The following PREP variants were observed in gnomAD, a reference collection of about 807,000 sequenced individuals.
The protein encoded by PREP is dJ355L5.1 (prolyl endopeptidase).
PREP carries 29 observed loss-of-function variants against 87.6 expected under a neutral mutation model. The observed-to-expected ratio is 0.33, with a 90% CI of 0.25 to 0.45. The LOEUF is 0.45. PREP is among the 20% of genes least tolerant of loss of function. PREP has a pLI of 1.00. For missense variants in PREP, 695 were observed against 886.5 expected, an observed-to-expected ratio of 0.78 and a Z score of 2.74; for synonymous variants, 337 against 328.6, an observed-to-expected ratio of 1.03 and a Z score of -0.28.
At chr6:105,392,545 A>G (rs922623377) in intron 2 of PREP, among the ~76,000 whole-genome samples, 2 of 152,114 alleles carry the variant, frequency 1.3e-5, no homozygotes, top group Admixed American at 6.5e-5. Flanking sequence ...GTATTTCCAT[A>G]TAGGTCTCCC....
intron 2 of PREP, among the ~76,000 whole-genome samples, chr6:105,380,726 C>T (rs1054566543): frequency 6.6e-6 from 1 of 152,130 alleles, no homozygotes; most frequent in African/African-American, 2.4e-5. Context: ...CACAAGACCC[C>T]AGCATGCTGA....
chr6:105,373,722 C>T (rs1438569615), intron 4 of PREP, 144 bp from the exon 5 acceptor site: 9 of 849,644 alleles, frequency 1.1e-5, no homozygotes, highest in East Asian at 2.7e-5. Context: ...TGAGGAATCC[C>T]GGGGGCTCAG....
chr6:105,338,378 C>T (rs755937817), intron 7 of PREP, among the ~76,000 whole-genome samples: 1 of 152,162 alleles, frequency 6.6e-6, no homozygotes, highest in Non-Finnish European at 1.5e-5. Context: ...TCAGGTAAGC[C>T]TGAAGATGTG....
In PREP at chr6:105,401,532, C is replaced by G. The variant is rs113209048; in HGVS notation, c.45+1315G>C. On this transcript the variant is annotated intron_variant, in intron 1 of 14. Transcript: ENST00000652536. ...GTCACCTAACTAGTGAATGACAGAACCAGAACTAGCGCTCTGGTCTTTTCA... is the reference window on the plus strand; with the variant it reads ...GTCACCTAACTAGTGAATGACAGAAGCAGAACTAGCGCTCTGGTCTTTTCA... 6.5e-4 allele frequency among the ~76,000 whole-genome samples: 99 copies of G among 152,328 alleles called. 1 individual carries two copies. Among genetic ancestry groups the G allele is most frequent in the African/African-American group, 2.2e-3 (93 of 41,568 alleles).
chr6:105,352,328 C>T (rs1472560099), intron 7 of PREP, among the ~76,000 whole-genome samples: 3 of 152,082 alleles, frequency 2.0e-5, no homozygotes, highest in Non-Finnish European at 4.4e-5. Flanking sequence ...AAGAGAACAA[C>T]ATTTAAAATA....
In PREP at chr6:105,288,761, T is replaced by C. The variant is rs749285976; in HGVS notation, c.1451A>G (p.Tyr484Cys). 1.1e-5 allele frequency: 18 copies of C among 1,613,838 alleles called. No individual in the cohort carries two copies. In the Admixed American group the frequency reaches 2.3e-4, roughly 21 times the overall value. ...TCTGAGTGCGTTCCGAGCTCACCTG[T>C]AGTTGGGTGTGATGGATATGTTGAA... ...GGFNISITPN[Y>C]SVSRLIFVRH... Residue 484 changes from tyrosine to cysteine, a missense_variant, in exon 11 of 15, where the codon TAC (tyrosine) becomes TGC (cysteine). Tyr to Cys is a radical substitution (Grantham distance 194, BLOSUM62 -2). This residue lies in a region of PREP where 517 missense variants were observed against 620.3 expected (regional missense o/e 0.83). Coordinates refer to ENST00000652536, the MANE Select transcript of PREP (RefSeq NM_002726.5).
chr6:105,320,888 G>C (rs1770987183), intron 10 of PREP, among the ~76,000 whole-genome samples: 1 of 152,166 alleles, frequency 6.6e-6, no homozygotes, highest in African/African-American at 2.4e-5. Context: ...CCTCTCCAGA[G>C]TCTGCTTTTT....
chr6:105,289,769 C>A (rs1279798417), intron 10 of PREP, among the ~76,000 whole-genome samples: 1 of 152,150 alleles, frequency 6.6e-6, no homozygotes, highest in Non-Finnish European at 1.5e-5. Flanking sequence ...GTTTTTACCC[C>A]CAAACAACCC....
At chr6:105,345,010 T>C (rs545324049) in intron 7 of PREP, among the ~76,000 whole-genome samples, 2 of 152,320 alleles carry the variant, frequency 1.3e-5, no homozygotes, top group Non-Finnish European at 2.9e-5. Flanking sequence ...GCTATAAAAT[T>C]GGAAAAATAG....
At chr6:105,325,111 G>C (rs867944836) in intron 9 of PREP, among the ~76,000 whole-genome samples, 2 of 152,118 alleles carry the variant, frequency 1.3e-5, no homozygotes, top group Middle Eastern at 3.4e-3. Context: ...GGGGTAAAAG[G>C]CTATCTCTTG....
In PREP at chr6:105,285,598, C is replaced by A; in HGVS notation, c.1455-18G>T. ...TGGAAACACTGAGAAGCAGTAAAAA[C>A]AGTTAACCTTCCATTAACTGCCTAG... On this transcript the variant is annotated intron_variant, in intron 11 of 14. Transcript: ENST00000652536. 1 of 1,599,862 alleles carries A rather than the reference C, an allele frequency of 6.3e-7. No homozygotes were observed. Among genetic ancestry groups the A allele is most frequent in the Non-Finnish European group, 8.6e-7 (1 of 1,167,128 alleles).
intron 7 of PREP, among the ~76,000 whole-genome samples, chr6:105,337,241 C>T (rs1490368486): frequency 1.3e-5 from 2 of 152,260 alleles, no homozygotes; most frequent in South Asian, 2.1e-4. Context: ...GCTGATTTTC[C>T]TTGAAACATT....
chr6:105,281,770 T>C lies in PREP; in HGVS notation c.1814A>G (p.Lys605Arg), dbSNP rs779006229. Residue 605 changes from lysine (K) to arginine (R), a missense_variant, in exon 14 of 15, where the codon AAA (lysine) becomes AGA (arginine). Coordinates refer to ENST00000652536, the MANE Select transcript of PREP (RefSeq NM_002726.5). The stretch of plus-strand genomic sequence containing the variant: ...CTTGACAAGCCATTCAAAGTGTTGT[T>C]TGCTGTCCGAGCACCCATAATCAGT... Reference protein sequence around the residue: ...WTTDYGCSDSKQHFEWLVKYS... With the variant: ...WTTDYGCSDSRQHFEWLVKYS... 3.1e-6 allele frequency: 5 copies of C among 1,613,682 alleles called. No individual in the cohort carries two copies. In the African/African-American group the frequency reaches 5.3e-5, roughly 17 times the overall value.
chr6:105,322,689 T>C, intron 10 of PREP: 1 of 997,492 alleles, frequency 1.0e-6, no homozygotes, highest in Non-Finnish European at 1.2e-6. Flanking sequence ...TGTTCTCCAA[T>C]AAAACAGGAG....
intron 14 of PREP, chr6:105,281,211 TG>T (rs1770074059): frequency 6.6e-6 from 1 of 152,456 alleles, no homozygotes; most frequent in Non-Finnish European, 1.5e-5. Flanking sequence ...TTTGTGCGGC[TG>T]TGGGACTTAG....
chr6:105,393,290 A>G (rs1293067654), intron 2 of PREP, among the ~76,000 whole-genome samples: 1 of 152,176 alleles, frequency 6.6e-6, no homozygotes, highest in Non-Finnish European at 1.5e-5. Context: ...CTAGTATTTA[A>G]TTTAGGTTGG....
chr6:105,355,650 C>T (rs1772078922), intron 6 of PREP, among the ~76,000 whole-genome samples: 1 of 152,128 alleles, frequency 6.6e-6, no homozygotes, highest in South Asian at 2.1e-4. Flanking sequence ...AAATTTGTAA[C>T]ATTTTTGGCC....
intron 10 of PREP, among the ~76,000 whole-genome samples, chr6:105,293,422 T>C (rs990406402): frequency 2.6e-5 from 4 of 152,096 alleles, no homozygotes; most frequent in Non-Finnish European, 5.9e-5. Context: ...ACAATTACAA[T>C]AGTAACATTG....
At chr6:105,322,939 T>C (rs1301732807) in intron 10 of PREP, 2 of 1,235,154 alleles carry the variant, frequency 1.6e-6, no homozygotes, top group East Asian at 5.7e-5. Context: ...TCACAAACAA[T>C]GTTCTGATTC....
Sources: gnomAD v4.1 joint callset for allele counts (sites outside exome capture counted in the v4.1 genomes callset) on GRCh38, gnomAD v4.1.1 for gene constraint, gnomAD v4.1.1 regional missense constraint, MANE v1.5 for transcripts, NCBI Gene and HGNC (gene_info 2026-07-23, HGNC 2026-07-21) for gene names.